The following PRRC2C variants were observed in gnomAD, a reference collection of about 807,000 sequenced individuals.
PRRC2C encodes the protein proline rich coiled-coil 2C.
In PRRC2C, 72 loss-of-function variants were observed where a neutral mutation model predicts 317.2. The ratio of observed to expected loss-of-function variants is 0.23; its 90% CI spans 0.19 to 0.28. PRRC2C has a LOEUF of 0.28. Among genes scored for constraint, PRRC2C ranks in the 10% least tolerant of loss-of-function variants. The probability of loss-of-function intolerance (pLI) is 1.00; values close to 1 mark genes in which losing one functional copy is unlikely to be tolerated. For missense variants in PRRC2C, 3,074 were observed against 3,459.7 expected (o/e 0.89, Z 2.80); for synonymous variants, 1,296 against 1,205.9 (o/e 1.07, Z -1.55).
chr1:171,513,964 A>G (rs1671849554), intron 3 of PRRC2C, among the ~76,000 whole-genome samples: 1 of 152,172 alleles, frequency 6.6e-6, no homozygotes, highest in African/African-American at 2.4e-5. Context: ...CCTCTTAACT[A>G]CTTTCTTATT....
chr1:171,546,290 T>C (rs913764256), intron 17 of PRRC2C, among the ~76,000 whole-genome samples: 1 of 152,258 alleles, frequency 6.6e-6, no homozygotes, highest in African/African-American at 2.4e-5. Flanking sequence ...TAAAATGTAC[T>C]ATTTGCCATT....
chr1:171,589,253 C>G (rs1650784335), intron 33 of PRRC2C, 116 bp from the exon 34 acceptor site: 6 of 442,700 alleles, frequency 1.4e-5, no homozygotes, highest in South Asian at 1.2e-4. Context: ...CTTCCTTTCA[C>G]TGGTAGGATG....
chr1:171,558,538 T>TG (rs1681903186), intron 19 of PRRC2C, among the ~76,000 whole-genome samples: 1 of 152,208 alleles, frequency 6.6e-6, no homozygotes, highest in Admixed American at 6.5e-5. Flanking sequence ...TGGTCATTCT[T>TG]GCAATATGTC....
At chr1:171,524,423 G>A (rs1300444045) in intron 9 of PRRC2C, among the ~76,000 whole-genome samples, 1 of 152,074 alleles carries the variant, frequency 6.6e-6, no homozygotes, top group East Asian at 1.9e-4. Context: ...AGATACCTGT[G>A]GTTTGTCGTG....
intron 1 of PRRC2C, among the ~76,000 whole-genome samples, chr1:171,490,294 A>G (rs1392963256): frequency 6.6e-6 from 1 of 152,048 alleles, no homozygotes; most frequent in Non-Finnish European, 1.5e-5. Context: ...ATTTTACATA[A>G]TTTTCTGTGG....
chr1:171,591,068 C>T (rs1181224383), intron 34 of PRRC2C: 7 of 582,132 alleles, frequency 1.2e-5, no homozygotes, highest in East Asian at 2.9e-4. Flanking sequence ...AATTATTTAC[C>T]AGCTCAGAAT....
At chr1:171,547,522 A>T (rs1448287944) in intron 17 of PRRC2C, among the ~76,000 whole-genome samples, 1 of 152,144 alleles carries the variant, frequency 6.6e-6, no homozygotes, top group Non-Finnish European at 1.5e-5. Context: ...AAATGAGAAT[A>T]TGCTTCATTT....
chr1:171,517,754 T>G lies in PRRC2C; in HGVS notation c.690T>G (p.Ala230=). 6.2e-7 allele frequency: 1 copy of G among 1,613,852 alleles called. No individual in the cohort carries two copies. Among genetic ancestry groups the G allele is most frequent in the South Asian group, 1.1e-5 (1 of 91,072 alleles). The change falls in exon 6 of 35, where the codon GCT becomes GCG. Residue 230 remains alanine (A), a synonymous_variant. Transcript: ENST00000647382. ...GGATAGCTTGTGGTCCTCCACAGGCTAAACTGAATGGACAGCAGGCTGCTC... is the reference window on the plus strand; with the variant it reads ...GGATAGCTTGTGGTCCTCCACAGGCGAAACTGAATGGACAGCAGGCTGCTC... ...EKRIACGPPQ[A]KLNGQQAALA...
At chr1:171,543,084 A>AG (rs1277812161) in intron 16 of PRRC2C, among the ~76,000 whole-genome samples, 3 of 149,250 alleles carry the variant, frequency 2.0e-5, no homozygotes, top group Admixed American at 2.0e-4. Flanking sequence ...TTAACTATTC[A>AG]GATGTTGGGC....
intron 4 of PRRC2C, among the ~76,000 whole-genome samples, chr1:171,515,019 C>T (rs956442658): frequency 6.6e-6 from 1 of 152,226 alleles, no homozygotes; most frequent in Non-Finnish European, 1.5e-5. Context: ...AGACATGCTG[C>T]CACGATTCCT....
At chr1:171,526,964 A>T (rs958166006) in intron 10 of PRRC2C, among the ~76,000 whole-genome samples, 1 of 151,288 alleles carries the variant, frequency 6.6e-6, no homozygotes, top group African/African-American at 2.4e-5. Flanking sequence ...TCCTGCCCCC[A>T]TGCCTGGCTA....
Position 171,541,407 on chromosome 1 carries a change from G to C in PRRC2C, c.3941G>C (p.Arg1314Pro), listed in dbSNP as rs762928818. Residue 1314 changes from arginine to proline, a missense_variant, in exon 16 of 35, where the codon CGA becomes CCA. Around this residue, in one of 11 missense-constraint regions of PRRC2C, gnomAD observed 1,320 missense variants for 1,395.7 expected, o/e 0.95. Coordinates refer to ENST00000647382, the MANE Select transcript of PRRC2C (RefSeq NM_001387844.1). This position sits in a 1 kb window ranked among gnomAD's most constrained non-coding sequence, Gnocchi z 4.1. ...HSSFKPDNHVRIDNRLLEKPY... is the reference protein window; with the variant it reads ...HSSFKPDNHVPIDNRLLEKPY... The stretch of plus-strand genomic sequence containing the variant: ...TCTTTCAAGCCTGATAATCATGTTC[G>C]AATAGATAATAGACTGCTAGAAAAG... 1.3e-5 allele frequency: 21 copies of C among 1,613,734 alleles called. No individual in the cohort carries two copies. Among genetic ancestry groups the C allele is most frequent in the Non-Finnish European group, 1.6e-5 (19 of 1,179,808 alleles).
chr1:171,577,771 A>ATTTTTTT lies in PRRC2C; in HGVS notation c.7159+152_7159+158dup, dbSNP rs1553245738. Reference sequence around the variant, plus strand: ...CATTGCTGTAAATATTTAAATTCGCATTTTTTTTTTTTTTTTTTTTTTTTG... The same window carrying ATTTTTTT: ...CATTGCTGTAAATATTTAAATTCGCATTTTTTTTTTTTTTTTTTTTTTTTTTTTTTTG... On this transcript the variant is annotated intron_variant, in intron 26 of 34. Coordinates refer to ENST00000647382, the MANE Select transcript of PRRC2C (RefSeq NM_001387844.1). 3.7e-5 allele frequency: 11 copies of ATTTTTTT among 299,986 alleles called. No homozygotes were observed. The African/African-American group carries it at 3.9e-4, about 11-fold the overall frequency. The allele number at this position is 299,986 out of a possible 1,614,324, so 18.6% of individuals were successfully genotyped here. A position where few individuals can be genotyped will look rare whatever the true frequency, so the allele number is the denominator to read the frequency against.
chr1:171,540,347 C>T lies in PRRC2C; in HGVS notation c.2881C>T (p.Pro961Ser), dbSNP rs34269512. Residue 961 changes from proline to serine, a missense_variant, in exon 16 of 35, where the codon CCA becomes TCA. Around this residue, in one of 11 missense-constraint regions of PRRC2C, gnomAD observed 1,320 missense variants for 1,395.7 expected, o/e 0.95. Coordinates refer to ENST00000647382, the MANE Select transcript of PRRC2C (RefSeq NM_001387844.1). Reference sequence around the variant, plus strand: ...CAGCAGATGCATTGATTCAAAAGAACCAATAGAAAGGCCAGAGGAGAAACC... The same window carrying T: ...CAGCAGATGCATTGATTCAAAAGAATCAATAGAAAGGCCAGAGGAGAAACC... ...VTSRCIDSKE[P>S]IERPEEKPKK... 910 of 1,612,966 alleles carry T rather than the reference C, an allele frequency of 5.6e-4. 9 individuals carry two copies. In the African/African-American group the frequency reaches 0.011, roughly 19 times the overall value.
rs1682596567 is a variant in PRRC2C, at chr1:171,561,095, T to C, written c.6109T>C (p.Ser2037Pro). ...KPLTSFGSAPSSEGAKNGQES... is the reference protein window; with the variant it reads ...KPLTSFGSAPPSEGAKNGQES... ...CTTAACATCGTTTGGATCAGCTCCT[T>C]CATCAGAGGTAAGAATAGGCTTTTA... The change falls in exon 20 of 35, where the codon TCA becomes CCA. Residue 2037 changes from serine (S) to proline (P), a missense_variant. Transcript: ENST00000647382. 3.8e-6 allele frequency: 6 copies of C among 1,591,078 alleles called. No individual in the cohort carries two copies. In the African/African-American group the frequency reaches 5.4e-5, roughly 14 times the overall value.
chr1:171,560,319 G>A (rs1682418234), intron 19 of PRRC2C, among the ~76,000 whole-genome samples: 1 of 152,190 alleles, frequency 6.6e-6, no homozygotes, highest in South Asian at 2.1e-4. Flanking sequence ...GGAATCTCCT[G>A]GTGAAGATGC....
intron 1 of PRRC2C, among the ~76,000 whole-genome samples, chr1:171,499,930 A>C (rs1668784166): frequency 6.6e-6 from 1 of 152,268 alleles, no homozygotes; most frequent in East Asian, 1.9e-4. Flanking sequence ...TTATATTTAT[A>C]TGTGATACTT....
chr1:171,566,976 AT>A, intron 22 of PRRC2C, 133 bp downstream of exon 22: 1 of 1,037,490 alleles, frequency 9.6e-7, no homozygotes, highest in Non-Finnish European at 1.3e-6. Context: ...CGCAAAGAAG[AT>A]TTTGTTTCAT....
At chr1:171,517,860 T>C in intron 6 of PRRC2C, 46 bp downstream of exon 6, 1 of 1,551,850 alleles carries the variant, frequency 6.4e-7, no homozygotes, top group Non-Finnish European at 8.8e-7. Context: ...TGGTTTTTGA[T>C]CTGGGGTCCA....
Sources: gnomAD v4.1 joint callset for allele counts (sites outside exome capture counted in the v4.1 genomes callset) on GRCh38, gnomAD v4.1.1 for gene constraint, gnomAD v4.1.1 regional missense constraint, Gnocchi (gnomAD v3.1) non-coding constraint, MANE v1.5 for transcripts, NCBI Gene and HGNC (gene_info 2026-07-23, HGNC 2026-07-21) for gene names.